The following MAML3 variants were observed in gnomAD, a reference collection of about 807,000 sequenced individuals.
The protein encoded by MAML3 is mastermind like transcriptional coactivator 3.
In MAML3, 27 loss-of-function variants were observed where a neutral mutation model predicts 101.9. The observed-to-expected ratio is 0.27, with a 90% CI of 0.20 to 0.37. MAML3 has a LOEUF of 0.37. Ranked by LOEUF, MAML3 falls within the 10% of genes least tolerant of loss-of-function variation. MAML3 has a pLI of 1.00. For missense variants in MAML3, 1,316 were observed against 1,444.9 expected (o/e 0.91, Z 1.45); for synonymous variants, 501 against 555.9 (o/e 0.90, Z 1.39).
At chr4:140,116,340 A>G (rs1308150392) in intron 1 of MAML3, among the ~76,000 whole-genome samples, 1 of 152,222 alleles carries the variant, frequency 6.6e-6, no homozygotes, top group Non-Finnish European at 1.5e-5. Context: ...CAGGGCCCCC[A>G]GGGAATCAGC....
chr4:139,809,403 G>A (rs1730754792), intron 2 of MAML3, among the ~76,000 whole-genome samples: 1 of 152,168 alleles, frequency 6.6e-6, no homozygotes, highest in South Asian at 2.1e-4. Flanking sequence ...TTGGAATATT[G>A]TTTATTTTTT....
Position 139,911,293 on chromosome 4 carries a change from T to C in MAML3, c.469-20326A>G, listed in dbSNP as rs190651523. Among the ~76,000 whole-genome samples the C allele has an allele frequency of 3.3e-3, 502 of 151,862 alleles. 4 individuals carry two copies. The highest frequency in any genetic ancestry group is 0.012 in the African/African-American group (489 of 41,366). The stretch of plus-strand genomic sequence containing the variant: ...AGTGCAGTGGCGTAATCTCAGCTCA[T>C]TGCAACCTCCGCCTCCCAGGTTCAA... On this transcript the variant is annotated intron_variant, in intron 1 of 4. Coordinates refer to ENST00000509479, the MANE Select transcript of MAML3 (RefSeq NM_018717.5).
intron 2 of MAML3, among the ~76,000 whole-genome samples, chr4:139,863,812 G>T: frequency 7.2e-6 from 1 of 138,926 alleles, no homozygotes. Context: ...TTCACTTTCT[G>T]TGGTAATACC....
intron 2 of MAML3, among the ~76,000 whole-genome samples, chr4:139,841,783 C>A (rs770264281): frequency 1.3e-5 from 2 of 152,182 alleles, no homozygotes; most frequent in Non-Finnish European, 2.9e-5. Context: ...CAGGAAGTTA[C>A]ATTTCTTACA....
At chr4:139,989,906 G>A (rs993326992) in intron 1 of MAML3, among the ~76,000 whole-genome samples, 5 of 148,144 alleles carry the variant, frequency 3.4e-5, no homozygotes, top group African/African-American at 1.2e-4. Context: ...GAGAGAAAGA[G>A]AGAGAGAGAG....
chr4:140,072,066 C>T (rs1411715062), intron 1 of MAML3, among the ~76,000 whole-genome samples: 3 of 152,126 alleles, frequency 2.0e-5, no homozygotes, highest in Non-Finnish European at 4.4e-5. Flanking sequence ...CAGACACTTC[C>T]GGCTTTCATT....
chr4:139,943,974 G>A (rs1287163529), intron 1 of MAML3, among the ~76,000 whole-genome samples: 1 of 146,438 alleles, frequency 6.8e-6, no homozygotes, highest in Non-Finnish European at 1.5e-5. Context: ...GGGTTCAAGC[G>A]ATTCTCCTGC....
At chr4:140,050,765 T>C (rs561010491) in intron 1 of MAML3, among the ~76,000 whole-genome samples, 4 of 152,284 alleles carry the variant, frequency 2.6e-5, no homozygotes, top group South Asian at 4.1e-4. Context: ...AGCGATTCTA[T>C]ACAAAAGAGG....
At chr4:140,032,857 GA>G (rs1364310763) in intron 1 of MAML3, among the ~76,000 whole-genome samples, 2 of 137,726 alleles carry the variant, frequency 1.5e-5, no homozygotes, top group African/African-American at 5.5e-5. Flanking sequence ...TCTACCATTG[GA>G]AAAAAACCTC....
chr4:140,026,066 A>G (rs7669105), intron 1 of MAML3, among the ~76,000 whole-genome samples: 87,808 of 151,984 alleles, frequency 0.58, 26,473 homozygotes, highest in African/African-American at 0.71. Context: ...AACATACGTC[A>G]ATCTTCAAGA....
intron 1 of MAML3, among the ~76,000 whole-genome samples, chr4:140,013,534 A>G (rs563002060): frequency 1.9e-4 from 29 of 152,262 alleles, no homozygotes; most frequent in African/African-American, 5.1e-4. Context: ...AAAAATATAC[A>G]CCTACCTCAT....
chr4:139,950,401 C>T (rs910689010), intron 1 of MAML3, among the ~76,000 whole-genome samples: 4 of 152,088 alleles, frequency 2.6e-5, no homozygotes, highest in Admixed American at 1.3e-4. Context: ...TTGGACTTGC[C>T]AGCCCCCACA....
intron 1 of MAML3, among the ~76,000 whole-genome samples, chr4:140,007,269 T>G (rs191414750): frequency 5.3e-5 from 8 of 152,186 alleles, no homozygotes; most frequent in African/African-American, 1.9e-4. Context: ...AAAGACCTCA[T>G]AGCGGCTAAA....
chr4:140,129,422 G>A (rs1254825127), intron 1 of MAML3, among the ~76,000 whole-genome samples: 2 of 152,134 alleles, frequency 1.3e-5, no homozygotes, highest in African/African-American at 4.8e-5. Context: ...CTTTGCATGA[G>A]ACACTTATTT....
chr4:139,750,965 A>T (rs755837652), intron 2 of MAML3, among the ~76,000 whole-genome samples: 26 of 152,292 alleles, frequency 1.7e-4, no homozygotes, highest in South Asian at 4.1e-4. Flanking sequence ...GTCTACTCCT[A>T]TTTGGAACAC....
chr4:140,072,624 C>G (rs1727679588), intron 1 of MAML3, among the ~76,000 whole-genome samples: 1 of 150,476 alleles, frequency 6.6e-6, no homozygotes, highest in Non-Finnish European at 1.5e-5. Context: ...GAGCCAATAT[C>G]GTGCCATTGC....
rs1351919780 is a variant in MAML3, at chr4:139,835,741, A to T, written c.2079+53616T>A. On this transcript the variant is annotated intron_variant, in intron 2 of 4. Transcript: ENST00000509479. ...AGTTTTTTCTGTTGCATCCTGCTGC[A>T]TGTCCCCCAAAGTTTCATATAACTT... 2.6e-5 allele frequency among the ~76,000 whole-genome samples: 4 copies of T among 152,188 alleles called. No individual in the cohort carries two copies. In the East Asian group the frequency reaches 7.7e-4, roughly 29 times the overall value.
At chr4:139,776,829 C>T (rs1336225168) in intron 2 of MAML3, among the ~76,000 whole-genome samples, 2 of 152,084 alleles carry the variant, frequency 1.3e-5, no homozygotes, top group African/African-American at 4.8e-5. Context: ...ACTGGCGTGA[C>T]ACTGTTATTT....
intron 2 of MAML3, among the ~76,000 whole-genome samples, chr4:139,872,922 A>T (rs938975924): frequency 6.6e-6 from 1 of 152,000 alleles, no homozygotes; most frequent in Non-Finnish European, 1.5e-5. Flanking sequence ...TACTAAAAAT[A>T]TTAAAAAAAT....
Sources: allele counts gnomAD v4.1 joint callset (sites outside exome capture counted in the v4.1 genomes callset), GRCh38; gene constraint gnomAD v4.1.1; transcripts MANE v1.5; gene names NCBI Gene and HGNC (gene_info 2026-07-23, HGNC 2026-07-21).